The following XDH variants were observed in gnomAD, a reference collection of about 807,000 sequenced individuals.
XDH encodes the protein xanthine dehydrogenase/oxidase.
XDH carries 138 observed loss-of-function variants against 156.1 expected under a neutral mutation model. That is an observed-to-expected ratio of 0.88 (90% CI 0.77 to 1.02). The LOEUF (loss-of-function observed/expected upper bound fraction) is 1.02. Ranked by LOEUF, XDH falls within the 50% of genes least tolerant of loss-of-function variation. The probability of loss-of-function intolerance (pLI) is 0.00; values close to 1 mark genes in which losing one functional copy is unlikely to be tolerated. For synonymous variants in XDH, 669 were observed against 625.7 expected (o/e 1.07, Z -1.03); for missense variants, 1,849 against 1,684.9 (o/e 1.10, Z -1.71).
Position 31,339,644 on chromosome 2 carries a change from A to G in XDH, c.3619T>C (p.Phe1207Leu). ...EGAFVQGLGL[F>L]TLEELHYSPE... is the part of the protein sequence containing the mutation. ...GAATAGTGTAGCTCCTCTAGGGTGAAGAGGCCAAGGCCCTGGACAAATGCC... is the reference window on the plus strand; with the variant it reads ...GAATAGTGTAGCTCCTCTAGGGTGAGGAGGCCAAGGCCCTGGACAAATGCC... Residue 1207 changes from phenylalanine (F) to leucine (L), a missense_variant, in exon 34 of 36, where the codon TTC becomes CTC. By Grantham distance (22) the Phe-to-Leu change is conservative (BLOSUM62 0). Coordinates refer to ENST00000379416, the MANE Select transcript of XDH (RefSeq NM_000379.4). 6.2e-7 allele frequency: 1 copy of G among 1,614,162 alleles called. No homozygotes were observed. The highest frequency in any genetic ancestry group is 8.5e-7 in the Non-Finnish European group (1 of 1,180,024).
chr2:31,348,987 A>T lies in XDH; in HGVS notation c.2970-7T>A. 1.2e-6 allele frequency: 2 copies of T among 1,611,764 alleles called. No individual in the cohort carries two copies. Among genetic ancestry groups the T allele is most frequent in the Non-Finnish European group, 1.7e-6 (2 of 1,177,886 alleles). On this transcript the variant is annotated splice_polypyrimidine_tract_variant and splice_region_variant and intron_variant, in intron 26 of 35. Transcript: ENST00000379416. ...CTTTTTCCAACAATTCTCCCTAGAG[A>T]AAAAGGAATATTCTTATAGAACCTT...
At chr2:31,365,625 G>A (rs1373356550) in intron 22 of XDH, 81 bp from the exon 23 acceptor site, 19 of 1,541,654 alleles carry the variant, frequency 1.2e-5, no homozygotes, top group South Asian at 8.9e-5. Flanking sequence ...AAAAACAGCC[G>A]GGAAGCCATC....
chr2:31,337,686 G>C lies in XDH; in HGVS notation c.3906C>G (p.Thr1302=), dbSNP rs753524087. Residue 1302 remains threonine (T), a synonymous_variant, in exon 35 of 36, where the codon ACC becomes ACG. Transcript: ENST00000379416. The part of the protein sequence containing the change: ...KELFRLDSPA[T]PEKIRNACVD... The stretch of plus-strand genomic sequence containing the variant: ...CGCAGGCATTGCGGATCTTCTCCGG[G>C]GTGGCAGGGCTGTCTAGCCGGAAGA... The C allele has an allele frequency of 1.9e-5, 30 of 1,614,104 alleles. No individual in the cohort carries two copies. Among genetic ancestry groups the C allele is most frequent in the African/African-American group, 4.0e-5 (3 of 74,930 alleles).
chr2:31,337,541 G>T, intron 35 of XDH, 100 bp downstream of exon 35: 2 of 1,577,886 alleles, frequency 1.3e-6, no homozygotes, highest in Non-Finnish European at 1.7e-6. Flanking sequence ...CCGGTTAGGA[G>T]AGAGCCCAAC....
intron 12 of XDH, among the ~76,000 whole-genome samples, chr2:31,380,600 A>G (rs1686411461): frequency 6.6e-6 from 1 of 152,228 alleles, no homozygotes; most frequent in South Asian, 2.1e-4. Context: ...GTCACAACTT[A>G]TTGCTGGAGG....
intron 9 of XDH, among the ~76,000 whole-genome samples, chr2:31,385,569 C>T (rs17011403): frequency 0.019 from 2,952 of 152,302 alleles, 87 homozygotes; most frequent in African/African-American, 0.067. Context: ...AGCTGTCCCA[C>T]GGTCTCCTCC....
intron 15 of XDH, 71 bp downstream of exon 15, chr2:31,375,309 A>G (rs1351084483): frequency 6.9e-6 from 11 of 1,601,740 alleles, no homozygotes; most frequent in Non-Finnish European, 9.4e-6. Context: ...GAGCAAATTT[A>G]CTACCCAGAC....
intron 19 of XDH, among the ~76,000 whole-genome samples, 154 bp downstream of exon 19, chr2:31,368,387 C>T (rs1685978714): frequency 6.6e-6 from 1 of 152,200 alleles, no homozygotes; most frequent in Non-Finnish European, 1.5e-5. Context: ...GGGAAGGTTT[C>T]ATGGGACCCC....
At chr2:31,339,428 C>G in intron 34 of XDH, 61 bp downstream of exon 34, 1 of 1,610,202 alleles carries the variant, frequency 6.2e-7, no homozygotes, top group Non-Finnish European at 8.5e-7. Context: ...CCTCTCATCA[C>G]CCGCTGGGGC....
chr2:31,373,249 G>C (rs917263032), intron 16 of XDH, among the ~76,000 whole-genome samples: 1 of 152,208 alleles, frequency 6.6e-6, no homozygotes, highest in Non-Finnish European at 1.5e-5. Flanking sequence ...AGGCAGTCAG[G>C]TTCCAGAGTT....
chr2:31,384,895 C>T (rs758153002), intron 9 of XDH, among the ~76,000 whole-genome samples: 5 of 152,318 alleles, frequency 3.3e-5, no homozygotes, highest in Non-Finnish European at 7.3e-5. Flanking sequence ...CAACACTCTG[C>T]GTTGACTGGA....
chr2:31,378,307 G>T (rs184755042), intron 13 of XDH, among the ~76,000 whole-genome samples: 1 of 152,220 alleles, frequency 6.6e-6, no homozygotes, highest in African/African-American at 2.4e-5. Context: ...TTTCTTTAAG[G>T]ATAGGAGGAG....
chr2:31,350,233 A>C lies in XDH; in HGVS notation c.2632-10T>G. 6.2e-7 allele frequency: 1 copy of C among 1,614,220 alleles called. No individual in the cohort carries two copies. The highest frequency in any genetic ancestry group is 8.5e-7 in the Non-Finnish European group (1 of 1,180,040). The stretch of plus-strand genomic sequence containing the variant: ...AAGCTCGTTCCATAATCTGAAGCAG[A>C]GGAAACAAAAATGGGAGAGAACAGT... On this transcript the variant is annotated splice_polypyrimidine_tract_variant and intron_variant, in intron 24 of 35. Coordinates refer to ENST00000379416, the MANE Select transcript of XDH (RefSeq NM_000379.4).
intron 31 of XDH, among the ~76,000 whole-genome samples, chr2:31,344,447 CAGAACT>C (rs1374190986): frequency 6.6e-6 from 1 of 152,206 alleles, no homozygotes; most frequent in East Asian, 1.9e-4. Flanking sequence ...ACCCTGAGAC[CAGAACT>C]AGAAGTCGGG....
chr2:31,365,548 G>C lies in XDH; in HGVS notation c.2457-4C>G, dbSNP rs766398747. ...GCATCGCACAGGGCGGCCGGTCCTG[G>C]GGGTTACCGACAGTGTTAGAAGCCT... On this transcript the variant is annotated splice_region_variant and splice_polypyrimidine_tract_variant and intron_variant, in intron 22 of 35. Coordinates refer to ENST00000379416, the MANE Select transcript of XDH (RefSeq NM_000379.4). 1.9e-6 allele frequency: 3 copies of C among 1,614,118 alleles called. No homozygotes were observed. The highest frequency in any genetic ancestry group is 2.5e-6 in the Non-Finnish European group (3 of 1,180,024).
At chr2:31,342,399 T>G in intron 31 of XDH, 102 bp from the exon 32 acceptor site, 1 of 1,041,716 alleles carries the variant, frequency 9.6e-7, no homozygotes. Context: ...ACCCCACAAG[T>G]TTTTGCATTC....
chr2:31,379,827 C>T (rs147694006), intron 13 of XDH, 40 bp downstream of exon 13: 1,367 of 1,594,004 alleles, frequency 8.6e-4, no homozygotes, highest in Non-Finnish European at 1.1e-3. Context: ...GGCAATAGGA[C>T]TTATTTGAGC....
chr2:31,349,302 A>G (rs1321899183), intron 26 of XDH, among the ~76,000 whole-genome samples: 2 of 152,172 alleles, frequency 1.3e-5, no homozygotes, highest in Non-Finnish European at 2.9e-5. Flanking sequence ...AGCCAGCCCA[A>G]TTATGCCCAC....
intron 27 of XDH, among the ~76,000 whole-genome samples, chr2:31,348,650 T>C (rs1572516293): frequency 6.6e-6 from 1 of 152,076 alleles, no homozygotes; most frequent in South Asian, 2.1e-4. Flanking sequence ...AAAAATAGAG[T>C]AGCTCTCTCC....
Sources: allele counts gnomAD v4.1 joint callset (sites outside exome capture counted in the v4.1 genomes callset), GRCh38; gene constraint gnomAD v4.1.1; transcripts MANE v1.5; gene names NCBI Gene and HGNC (gene_info 2026-07-23, HGNC 2026-07-21).